The following NRG1 variants were observed in gnomAD, a reference collection of about 807,000 sequenced individuals.
The protein encoded by NRG1 is neuregulin 1.
Under a neutral mutation model 63.8 loss-of-function variants are expected in NRG1, and 18 were observed. The observed-to-expected ratio is 0.28, with a 90% CI of 0.19 to 0.42. NRG1 has a LOEUF of 0.42. Ranked by LOEUF, NRG1 falls within the 10% of genes least tolerant of loss-of-function variation. The pLI, the probability that NRG1 is intolerant of heterozygous loss-of-function variation, is 1.00. For missense variants in NRG1, 762 were observed against 814.7 expected (o/e 0.94, Z 0.79); for synonymous variants, 302 against 301.3 (o/e 1.00, Z -0.02).
At chr8:32,637,780 G>A (rs1362712454) in intron 5 of NRG1, among the ~76,000 whole-genome samples, 1 of 152,050 alleles carries the variant, frequency 6.6e-6, no homozygotes, top group Non-Finnish European at 1.5e-5. Flanking sequence ...TTGGGTTCTG[G>A]AGCACACATT....
At chr8:32,556,312 A>G (rs1232382557) in intron 1 of NRG1, among the ~76,000 whole-genome samples, 2 of 152,230 alleles carry the variant, frequency 1.3e-5, no homozygotes, top group Admixed American at 1.3e-4. Flanking sequence ...TGAAGCAGTA[A>G]CATTTTTTAC....
chr8:32,284,477 C>CCCTGCCTGCGTGCCTGCCTG (rs1853255310), intron 1 of NRG1, among the ~76,000 whole-genome samples: 1 of 141,222 alleles, frequency 7.1e-6, no homozygotes, highest in Non-Finnish European at 1.5e-5. Context: ...ATGCTTGCCT[C>CCCTGCCTGCGTGCCTGCCTG]CCTGCCTGCC....
chr8:32,127,228 C>A (rs1834193686), intron 1 of NRG1, among the ~76,000 whole-genome samples: 1 of 151,902 alleles, frequency 6.6e-6, no homozygotes, highest in Admixed American at 6.6e-5. Flanking sequence ...ACATTCTGAA[C>A]TTGGCCTTGT....
intron 1 of NRG1, among the ~76,000 whole-genome samples, chr8:31,912,162 G>T (rs1328195716): frequency 6.6e-6 from 1 of 152,128 alleles, no homozygotes; most frequent in Admixed American, 6.6e-5. Context: ...TAAGCACAGG[G>T]CCAAATGCAA....
chr8:32,578,467 CTCCT>C lies in NRG1; in HGVS notation c.101-17359_101-17356del, dbSNP rs1470351352. The stretch of plus-strand genomic sequence containing the variant: ...AGAACCACTGCAGACATTCTCTGTC[CTCCT>C]TTTTTTTTTTTGTCACTAACATGAT... On this transcript the variant is annotated intron_variant, in intron 1 of 11. Transcript: ENST00000356819. Among the ~76,000 whole-genome samples the C allele has an allele frequency of 1.4e-4, 13 of 90,374 alleles. No homozygotes were observed. The East Asian group carries it at 2.2e-3, about 16-fold the overall frequency. The allele number at this position is 90,374 out of a possible 152,430, so 59.3% of individuals were successfully genotyped here. A position where few individuals can be genotyped will look rare whatever the true frequency, so the allele number is the denominator to read the frequency against.
chr8:32,597,402 C>G (rs538403547), intron 2 of NRG1, among the ~76,000 whole-genome samples: 19 of 152,050 alleles, frequency 1.2e-4, no homozygotes, highest in Admixed American at 9.2e-4. Context: ...ATTAACTACA[C>G]GTTGACTCTA....
chr8:32,651,038 T>A (rs1437316360), intron 5 of NRG1, among the ~76,000 whole-genome samples: 1 of 152,180 alleles, frequency 6.6e-6, no homozygotes, highest in African/African-American at 2.4e-5. Flanking sequence ...CCAATCTACC[T>A]ACTAATGTTA....
At chr8:32,753,463 G>C (rs1162969151) in intron 7 of NRG1, among the ~76,000 whole-genome samples, 1 of 152,210 alleles carries the variant, frequency 6.6e-6, no homozygotes, top group Admixed American at 6.5e-5. Context: ...CATTTCCTTA[G>C]TATAATCTAC....
At chr8:31,978,105 G>T (rs565482432) in intron 1 of NRG1, among the ~76,000 whole-genome samples, 5 of 152,004 alleles carry the variant, frequency 3.3e-5, no homozygotes, top group East Asian at 1.9e-4. Flanking sequence ...ATTTGCCTCT[G>T]ATAATTATGT....
At chr8:32,692,606 G>A (rs779628471) in intron 5 of NRG1, among the ~76,000 whole-genome samples, 2 of 152,188 alleles carry the variant, frequency 1.3e-5, no homozygotes, top group Non-Finnish European at 2.9e-5. Flanking sequence ...ATTAATATTT[G>A]TGTGTGCAAT....
At chr8:31,965,007 A>G (rs1470007460) in intron 1 of NRG1, among the ~76,000 whole-genome samples, 2 of 152,200 alleles carry the variant, frequency 1.3e-5, no homozygotes, top group African/African-American at 4.8e-5. Context: ...CGTTAGGGCC[A>G]AAGCATAGGA....
intron 1 of NRG1, among the ~76,000 whole-genome samples, chr8:31,955,124 T>C (rs952879214): frequency 6.6e-6 from 1 of 152,178 alleles, no homozygotes; most frequent in Non-Finnish European, 1.5e-5. Context: ...TTTTTTCCAT[T>C]AAATAGTAAT....
chr8:32,684,845 G>C (rs972398128), intron 5 of NRG1, among the ~76,000 whole-genome samples: 2 of 88,666 alleles, frequency 2.3e-5, no homozygotes, highest in African/African-American at 1.6e-4. Flanking sequence ...TGACACTACT[G>C]ATATTTTCAG....
chr8:32,291,533 CTTTTT>C (rs757839225), intron 1 of NRG1, among the ~76,000 whole-genome samples: 1 of 98,034 alleles, frequency 1.0e-5, no homozygotes, highest in Non-Finnish European at 1.9e-5. Flanking sequence ...TTTTTATCCA[CTTTTT>C]TTTTTTTTTT....
intron 1 of NRG1, among the ~76,000 whole-genome samples, chr8:31,888,124 A>G (rs996463671): frequency 1.3e-5 from 2 of 151,874 alleles, no homozygotes; most frequent in Non-Finnish European, 2.9e-5. Flanking sequence ...TATATTATAC[A>G]TGTGTTTATT....
In NRG1 at chr8:32,447,637, GGA is replaced by G. The variant is rs1337967370; in HGVS notation, c.38-148185_38-148184del. On this transcript the variant is annotated intron_variant, in intron 1 of 10. Transcript: ENST00000519301. ...TAATCCCAGCACTTTGGGAAGTTGA[GGA>G]GAGAGGATCGCTTCAGCCCAAGAGT... Among the ~76,000 whole-genome samples, 5 of 152,282 alleles carry G rather than the reference GGA, an allele frequency of 3.3e-5. No homozygotes were observed. The East Asian group carries it at 9.7e-4, about 29-fold the overall frequency.
intron 1 of NRG1, among the ~76,000 whole-genome samples, chr8:31,705,236 T>C (rs1047138185): frequency 1.6e-4 from 25 of 152,028 alleles, no homozygotes; most frequent in African/African-American, 5.6e-4. Context: ...TTAGTAGAGT[T>C]GGGGTTTCAC....
At chr8:32,371,524 C>T (rs1808858102) in intron 1 of NRG1, among the ~76,000 whole-genome samples, 1 of 152,158 alleles carries the variant, frequency 6.6e-6, no homozygotes, top group South Asian at 2.1e-4. Flanking sequence ...GTTAAAAAAA[C>T]AACAGCAAAA....
At chr8:32,228,360 A>G (rs761701628) in intron 1 of NRG1, among the ~76,000 whole-genome samples, 3 of 152,192 alleles carry the variant, frequency 2.0e-5, no homozygotes, top group Non-Finnish European at 4.4e-5. Flanking sequence ...CATGTAATTA[A>G]TAGCTCATGA....
Sources: gnomAD v4.1 joint callset for allele counts (sites outside exome capture counted in the v4.1 genomes callset) on GRCh38, gnomAD v4.1.1 for gene constraint, MANE v1.5 for transcripts, NCBI Gene and HGNC (gene_info 2026-07-23, HGNC 2026-07-21) for gene names.